RNF157: variants seen among roughly 807,000 people sequenced by gnomAD.
The protein encoded by RNF157 is ring finger protein 157.
A neutral mutation model predicts 88.3 loss-of-function variants in RNF157; 55 were observed. The ratio of observed to expected loss-of-function variants is 0.62; its 90% CI spans 0.50 to 0.78. The LOEUF is 0.78. Ranked by LOEUF, RNF157 falls within the 30% of genes least tolerant of loss-of-function variation. The probability of loss-of-function intolerance (pLI) is 0.00; values close to 1 mark genes in which losing one functional copy is unlikely to be tolerated. For synonymous variants in RNF157, 334 were observed against 341.2 expected (o/e 0.98, Z 0.23); for missense variants, 788 against 860.8 (o/e 0.92, Z 1.06).
chr17:76,182,535 C>T (rs11077807), intron 2 of RNF157, among the ~76,000 whole-genome samples: 3,226 of 150,250 alleles, frequency 0.021, 52 homozygotes, highest in Non-Finnish European at 0.034. Flanking sequence ...TCAAATATTA[C>T]ACTACTCCTA....
chr17:76,180,951 A>G (rs928721033), intron 2 of RNF157, among the ~76,000 whole-genome samples: 2 of 152,208 alleles, frequency 1.3e-5, no homozygotes, highest in African/African-American at 4.8e-5. Context: ...GCTGGAGGAC[A>G]GTCCAACATG....
chr17:76,189,594 T>A (rs2069349295), intron 2 of RNF157, among the ~76,000 whole-genome samples: 1 of 152,038 alleles, frequency 6.6e-6, no homozygotes. Context: ...TAGGCAGAAT[T>A]AAATACAAGG....
Position 76,161,530 on chromosome 17 carries a change from C to T in RNF157, c.1065+5G>A. ...AGAGGGGCCGTGGTTCCGAGCCCAA[C>T]TTACTGGATGCTCTTCAGAGTCAGA... On this transcript the variant is annotated splice_donor_5th_base_variant and intron_variant, in intron 11 of 18. Coordinates refer to ENST00000269391, the MANE Select transcript of RNF157 (RefSeq NM_052916.3). The surrounding 1 kb of genome is among the most constrained non-coding windows in gnomAD (Gnocchi z 4.6). 1 of 1,612,086 alleles carries T rather than the reference C, an allele frequency of 6.2e-7. No individual in the cohort carries two copies. Among genetic ancestry groups the T allele is most frequent in the Non-Finnish European group, 8.5e-7 (1 of 1,178,142 alleles).
At chr17:76,236,795 A>C (rs2145091546) in intron 1 of RNF157, among the ~76,000 whole-genome samples, 1 of 152,392 alleles carries the variant, frequency 6.6e-6, no homozygotes, top group Middle Eastern at 3.4e-3. Context: ...AGTTGTTAAA[A>C]AGCACAAAGA....
rs1476223082 is a variant in RNF157 at position 76,240,286 on chromosome 17, C to T, written c.-46G>A. 9.2e-6 allele frequency: 9 copies of T among 982,610 alleles called. No homozygotes were observed. Among genetic ancestry groups the T allele is most frequent in the Admixed American group, 5.9e-5 (1 of 16,904 alleles). 60.9% of individuals were successfully genotyped at this position (982,610 alleles called of 1,614,324 possible). ...CGGCCCGGCCCCGGTGCCCGCGCCG[C>T]CCTCCGCGCTTCACCGCGGCCGCCC... On this transcript the variant is annotated 5_prime_UTR_variant, in exon 1 of 19. Coordinates refer to ENST00000269391, the MANE Select transcript of RNF157 (RefSeq NM_052916.3). The surrounding 1 kb of genome is among the most constrained non-coding windows in gnomAD (Gnocchi z 4.4).
chr17:76,165,414 G>T, intron 7 of RNF157, 88 bp downstream of exon 7: 1 of 1,371,878 alleles, frequency 7.3e-7, no homozygotes, highest in Non-Finnish European at 1.0e-6. Flanking sequence ...ATTCTGCTGA[G>T]CTCAGGCACC....
At chr17:76,220,742 G>A (rs1379285222) in intron 1 of RNF157, among the ~76,000 whole-genome samples, 1 of 151,954 alleles carries the variant, frequency 6.6e-6, no homozygotes, top group Non-Finnish European at 1.5e-5. Flanking sequence ...GGTGGATCAC[G>A]AGGTCAGGAG....
chr17:76,210,479 A>G (rs1426282091), intron 2 of RNF157, among the ~76,000 whole-genome samples: 8 of 149,150 alleles, frequency 5.4e-5, no homozygotes, highest in Non-Finnish European at 1.2e-4. Flanking sequence ...AGTCCCAGCT[A>G]CTCAGGAGGC....
intron 2 of RNF157, among the ~76,000 whole-genome samples, chr17:76,193,756 A>C (rs2069425682): frequency 6.6e-6 from 1 of 152,256 alleles, no homozygotes; most frequent in African/African-American, 2.4e-5. Flanking sequence ...CTGAGCGAGA[A>C]AACAAAACAG....
rs1478992016 is a variant in RNF157 at position 76,156,338 on chromosome 17, G to A, written c.1414-17C>T. ...ACCACATTCCTGGGGGTTGTGGGGGGACACAACAGGACATGGAGCAAGCGC... is the reference window on the plus strand; with the variant it reads ...ACCACATTCCTGGGGGTTGTGGGGGAACACAACAGGACATGGAGCAAGCGC... On this transcript the variant is annotated splice_polypyrimidine_tract_variant and intron_variant, in intron 13 of 18. Transcript: ENST00000269391. 1.2e-6 allele frequency: 2 copies of A among 1,613,808 alleles called. No individual in the cohort carries two copies. The highest frequency in any genetic ancestry group is 1.7e-6 in the Non-Finnish European group (2 of 1,179,918).
intron 2 of RNF157, among the ~76,000 whole-genome samples, chr17:76,174,230 A>T (rs1488350779): frequency 2.0e-5 from 3 of 152,174 alleles, no homozygotes; most frequent in African/African-American, 4.8e-5. Flanking sequence ...GAGTTTAGGG[A>T]CCGCAAATAA....
intron 1 of RNF157, among the ~76,000 whole-genome samples, chr17:76,218,130 G>A (rs2069921617): frequency 6.6e-6 from 1 of 152,140 alleles, no homozygotes; most frequent in Non-Finnish European, 1.5e-5. Flanking sequence ...CAAAAGGTAT[G>A]AGCCAGAATG....
chr17:76,239,902 C>T (rs570792316), intron 1 of RNF157, among the ~76,000 whole-genome samples: 53 of 152,290 alleles, frequency 3.5e-4, no homozygotes, highest in Middle Eastern at 3.4e-3. Context: ...AGGCCGCTCC[C>T]GTCCTCCCGT....
chr17:76,156,289 G>A lies in RNF157; in HGVS notation c.1446C>T (p.Leu482=), dbSNP rs760428369. The change falls in exon 14 of 19, where the codon CTC becomes CTT. Residue 482 remains leucine, a synonymous_variant. Coordinates refer to ENST00000269391, the MANE Select transcript of RNF157 (RefSeq NM_052916.3). ...CAATAGCTCCAGATGACGACAAGGT[G>A]AGATTCTCACTTTCTGGAGTCACAC... ...ECGVTPESEN[L]TLSSSGAIDQ... 1 of 1,614,124 alleles carries A rather than the reference G, an allele frequency of 6.2e-7. No individual in the cohort carries two copies.
chr17:76,170,750 C>T (rs556410142), intron 3 of RNF157, among the ~76,000 whole-genome samples: 88 of 152,244 alleles, frequency 5.8e-4, no homozygotes, highest in Non-Finnish European at 1.1e-3. Flanking sequence ...TCTGCTAGTT[C>T]AGGATTCTGA....
intron 18 of RNF157, among the ~76,000 whole-genome samples, chr17:76,150,171 A>AT (rs1356873854): frequency 6.6e-6 from 1 of 152,120 alleles, no homozygotes; most frequent in East Asian, 1.9e-4. Context: ...AGTATATTGA[A>AT]TACAGCCCCT....
intron 2 of RNF157, among the ~76,000 whole-genome samples, chr17:76,210,829 G>C (rs2069784388): frequency 6.6e-6 from 1 of 151,644 alleles, no homozygotes; most frequent in Non-Finnish European, 1.5e-5. Context: ...TTTTGAAACA[G>C]AGTCTCATTC....
chr17:76,169,583 T>C (rs1278980455), intron 3 of RNF157, among the ~76,000 whole-genome samples: 2 of 149,554 alleles, frequency 1.3e-5, no homozygotes, highest in Admixed American at 1.3e-4. Context: ...AGTTAGGTTT[T>C]TTTTTTTTTT....
chr17:76,203,784 T>C (rs367702448), intron 2 of RNF157, among the ~76,000 whole-genome samples: 1 of 148,980 alleles, frequency 6.7e-6, no homozygotes, highest in Non-Finnish European at 1.5e-5. Context: ...TTTTTTTTTT[T>C]TGGGACGGAG....
Sources: gnomAD v4.1 joint callset for allele counts (sites outside exome capture counted in the v4.1 genomes callset) on GRCh38, gnomAD v4.1.1 for gene constraint, Gnocchi (gnomAD v3.1) non-coding constraint, MANE v1.5 for transcripts, NCBI Gene and HGNC (gene_info 2026-07-23, HGNC 2026-07-21) for gene names.